Variants in NUP93 observed in about 807,000 individuals in gnomAD.
The protein encoded by NUP93 is nucleoporin 93.
Under a neutral mutation model 107.8 loss-of-function variants are expected in NUP93, and 55 were observed. The observed-to-expected ratio is 0.51, with a 90% CI of 0.41 to 0.64. NUP93 has a LOEUF of 0.64. Ranked by LOEUF, NUP93 falls within the 30% of genes least tolerant of loss-of-function variation. The pLI is 0.00. For missense variants in NUP93, 937 were observed against 1,044.7 expected (o/e 0.90, Z 1.42); for synonymous variants, 390 against 397.5 (o/e 0.98, Z 0.22).
At position 56,799,350 on chromosome 16, in the gene NUP93, G is replaced by A. The variant is rs564767580; in HGVS notation, c.360+812G>A. 7.9e-5 allele frequency among the ~76,000 whole-genome samples: 12 copies of A among 152,294 alleles called. No individual in the cohort carries two copies. The East Asian group carries it at 2.1e-3, about 27-fold the overall frequency. ...CCGCCAAAGACCAGCCATTATATGTGCAACAATATTCTGCAACAAGCAGTC... is the reference window on the plus strand; with the variant it reads ...CCGCCAAAGACCAGCCATTATATGTACAACAATATTCTGCAACAAGCAGTC... On this transcript the variant is annotated intron_variant, in intron 4 of 21. Coordinates refer to ENST00000308159, the MANE Select transcript of NUP93 (RefSeq NM_014669.5).
At chr16:56,732,731 A>G (rs1258358615) in intron 1 of NUP93, among the ~76,000 whole-genome samples, 1 of 152,240 alleles carries the variant, frequency 6.6e-6, no homozygotes, top group African/African-American at 2.4e-5. Context: ...CCCACTCCTC[A>G]TGAAAAAGTT....
At chr16:56,767,794 A>C (rs923343798) in intron 3 of NUP93, among the ~76,000 whole-genome samples, 13 of 152,162 alleles carry the variant, frequency 8.5e-5, no homozygotes, top group African/African-American at 2.4e-4. Flanking sequence ...GGACCCTTGA[A>C]AGTTTATGGG....
chr16:56,844,502 C>A lies in NUP93; in HGVS notation c.2353C>A (p.Leu785Ile). The A allele has an allele frequency of 6.8e-7, 1 of 1,461,266 alleles. No individual in the cohort carries two copies. Among genetic ancestry groups the A allele is most frequent in the South Asian group, 1.5e-5 (1 of 68,626 alleles). 90.5% of individuals were successfully genotyped at this position (1,461,266 alleles called of 1,614,324 possible). Reference protein sequence around the residue: ...QRVIEDRDSQLRSQARTLITF... With the variant: ...QRVIEDRDSQIRSQARTLITF... The stretch of plus-strand genomic sequence containing the variant: ...CCTTCCTTCCCTTCTCTCTCAGCAA[C>A]TCCGAAGTCAAGCCCGCACTCTGAT... Residue 785 changes from leucine to isoleucine, a missense_variant, in exon 22 of 22, where the codon CTC becomes ATC. Physicochemically the swap from Leu to Ile is conservative, Grantham distance 5. Coordinates refer to ENST00000308159, the MANE Select transcript of NUP93 (RefSeq NM_014669.5).
At chr16:56,788,258 G>A (rs1342929181) in intron 3 of NUP93, among the ~76,000 whole-genome samples, 2 of 152,152 alleles carry the variant, frequency 1.3e-5, no homozygotes, top group African/African-American at 2.4e-5. Flanking sequence ...TTCCACCACA[G>A]CCTGGCACAT....
chr16:56,840,633 G>T (rs1302378513), intron 20 of NUP93, among the ~76,000 whole-genome samples: 4 of 152,190 alleles, frequency 2.6e-5, no homozygotes, highest in Admixed American at 2.6e-4. Context: ...AGAACCAGCT[G>T]CCTGGCTCTG....
chr16:56,814,902 C>T (rs948372300), intron 5 of NUP93, among the ~76,000 whole-genome samples: 6 of 152,212 alleles, frequency 3.9e-5, no homozygotes, highest in Non-Finnish European at 7.3e-5. Flanking sequence ...TCAGGCAGTC[C>T]CTGGCTGTGG....
At chr16:56,746,614 G>A (rs1247506599) in intron 1 of NUP93, among the ~76,000 whole-genome samples, 1 of 152,204 alleles carries the variant, frequency 6.6e-6, no homozygotes, top group Non-Finnish European at 1.5e-5. Context: ...GTCCTTTAAT[G>A]CTCATTTTTA....
In NUP93 at chr16:56,823,132, G is replaced by A. The variant is rs755057901; in HGVS notation, c.655-575G>A. Among the ~76,000 whole-genome samples the A allele has an allele frequency of 3.9e-5, 6 of 152,178 alleles. 1 individual carries two copies. Among genetic ancestry groups the A allele is most frequent in the Non-Finnish European group, 7.3e-5 (5 of 68,038 alleles). On this transcript the variant is annotated intron_variant, in intron 7 of 21. Transcript: ENST00000308159. ...TGGTAACACAGAGGAAAGAACACCC[G>A]CTCCTTTCCTGGGAGGCGTCTTTTG... is the stretch of plus-strand genomic sequence containing the variant.
Position 56,834,716 on chromosome 16 carries a change from A to C in NUP93, c.1738-18A>C. The C allele has an allele frequency of 1.2e-6, 2 of 1,607,352 alleles. No homozygotes were observed. The highest frequency in any genetic ancestry group is 2.2e-5 in the South Asian group (2 of 90,162). ...TATCTTTGTCCAATAATTTGAGTAA[A>C]CTTTTTTCCTTCCACAGTTCGATAT... is the stretch of plus-strand genomic sequence containing the variant. On this transcript the variant is annotated intron_variant, in intron 15 of 21. Transcript: ENST00000308159.
intron 8 of NUP93, 100 bp downstream of exon 8, chr16:56,823,946 T>C: frequency 7.2e-7 from 1 of 1,396,046 alleles, no homozygotes; most frequent in Non-Finnish European, 9.7e-7. Flanking sequence ...GCTGTAGGTA[T>C]AATTTAAGAT....
chr16:56,733,475 G>A (rs531730358), intron 1 of NUP93, among the ~76,000 whole-genome samples: 108 of 152,294 alleles, frequency 7.1e-4, no homozygotes, highest in African/African-American at 2.4e-3. Flanking sequence ...GGGCGCTGGG[G>A]TGACTTGAAG....
intron 1 of NUP93, among the ~76,000 whole-genome samples, chr16:56,730,728 A>G (rs1248000615): frequency 2.6e-5 from 4 of 152,120 alleles, no homozygotes; most frequent in South Asian, 2.1e-4. Flanking sequence ...GATGCTGGTG[A>G]TTGGAACCCA....
intron 8 of NUP93, 96 bp from the exon 9 acceptor site, chr16:56,828,881 C>A: frequency 7.8e-7 from 1 of 1,290,268 alleles, no homozygotes. Flanking sequence ...TAGGCCCTGC[C>A]CTTCCAAGCT....
chr16:56,827,920 G>C (rs1455385323), intron 8 of NUP93, among the ~76,000 whole-genome samples: 1 of 152,200 alleles, frequency 6.6e-6, no homozygotes, highest in East Asian at 1.9e-4. Flanking sequence ...AGGAGTTCGA[G>C]ACCAGCCTGG....
chr16:56,757,506 C>T (rs1378602856), intron 2 of NUP93, among the ~76,000 whole-genome samples: 1 of 152,134 alleles, frequency 6.6e-6, no homozygotes, highest in Admixed American at 6.5e-5. Context: ...CCGACCCCAC[C>T]CCACCACTAC....
At chr16:56,796,465 C>CCTA (rs1962899984) in intron 3 of NUP93, among the ~76,000 whole-genome samples, 1 of 152,130 alleles carries the variant, frequency 6.6e-6, no homozygotes. Flanking sequence ...GATGAAATCG[C>CCTA]CTAGTAGGAG....
At chr16:56,810,501 A>G (rs1054350355) in intron 5 of NUP93, among the ~76,000 whole-genome samples, 8 of 152,128 alleles carry the variant, frequency 5.3e-5, no homozygotes, top group Middle Eastern at 6.8e-3. Context: ...ACATGGTTAC[A>G]TGCTCCTGTA....
At chr16:56,752,243 A>G (rs1211084749) in intron 2 of NUP93, among the ~76,000 whole-genome samples, 2 of 152,204 alleles carry the variant, frequency 1.3e-5, no homozygotes, top group Non-Finnish European at 1.5e-5. Context: ...GTTTTGTCCC[A>G]AGGATATACT....
At chr16:56,768,637 C>A (rs528490922) in intron 3 of NUP93, among the ~76,000 whole-genome samples, 1 of 150,832 alleles carries the variant, frequency 6.6e-6, no homozygotes, top group Non-Finnish European at 1.5e-5. Flanking sequence ...GAGGCCAAGG[C>A]GGGCGGATCA....
Sources: gnomAD v4.1 joint callset for allele counts (sites outside exome capture counted in the v4.1 genomes callset) on GRCh38, gnomAD v4.1.1 for gene constraint, MANE v1.5 for transcripts, NCBI Gene and HGNC (gene_info 2026-07-23, HGNC 2026-07-21) for gene names.